CUL7: variants seen among roughly 807,000 people sequenced by gnomAD.
CUL7 encodes the protein cullin 7, also known as cullin-7.
Under a neutral mutation model 177.7 loss-of-function variants are expected in CUL7, and 96 were observed. The ratio of observed to expected loss-of-function variants is 0.54; its 90% CI spans 0.46 to 0.64. CUL7 has a LOEUF of 0.64. CUL7 is among the 30% of genes least tolerant of loss of function. The pLI is 0.00. For synonymous variants in CUL7, 824 were observed against 890.2 expected (o/e 0.93, Z 1.32); for missense variants, 1,893 against 2,187.9 (o/e 0.87, Z 2.69).
rs181823275 is a variant in CUL7, at chr6:43,037,962, C to T, written c.4823G>A (p.Ser1608Asn). 3.3e-5 allele frequency: 52 copies of T among 1,596,124 alleles called. No individual in the cohort carries two copies. In the Admixed American group the frequency reaches 6.8e-4, roughly 21 times the overall value. Residue 1608 changes from serine (S) to asparagine (N), a missense_variant, in exon 26 of 26, where the codon AGC (serine) becomes AAC (asparagine). By Grantham distance (46) the Ser-to-Asn change is conservative. Around this residue, in one of 5 missense-constraint regions of CUL7, gnomAD observed 248 missense variants for 262.5 expected, o/e 0.94. Coordinates refer to ENST00000265348, the MANE Select transcript of CUL7 (RefSeq NM_014780.5). Reference protein sequence around the residue: ...KGPCPPRGLVSSLGKGSACSS... With the variant: ...KGPCPPRGLVNSLGKGSACSS... The stretch of plus-strand genomic sequence containing the variant: ...GCATGCAGACCCCTTACCAAGGCTG[C>T]TGACCAAACCCCTGGGAGGACACGG...
At position 43,051,643 on chromosome 6, in the gene CUL7, G is replaced by A; in HGVS notation, c.701C>T (p.Pro234Leu). 1 of 1,614,114 alleles carries A rather than the reference G, an allele frequency of 6.2e-7. No homozygotes were observed. The highest frequency in any genetic ancestry group is 8.5e-7 in the Non-Finnish European group (1 of 1,180,028). ...TAGCTGAATGCCCTCGAAAGACATG[G>A]GGTGTTCAGAGAGCGTGGCCTGTGC... The part of the protein sequence containing the change: ...LFAQATLSEH[P>L]MSFEGIQLPQ... The change falls in exon 3 of 26, where the codon CCC becomes CTC. Residue 234 changes from proline (P) to leucine (L), a missense_variant. Transcript: ENST00000265348. The surrounding 1 kb of genome is among the most constrained non-coding windows in gnomAD (Gnocchi z 5.0).
chr6:43,041,715 A>AAAGGG (rs1475093376), intron 19 of CUL7, among the ~76,000 whole-genome samples: 1 of 151,314 alleles, frequency 6.6e-6, no homozygotes, highest in Non-Finnish European at 1.5e-5. Flanking sequence ...AAGGGAAGGG[A>AAAGGG]AAGGGAAGGG....
rs1216730565 is a variant in CUL7, at chr6:43,044,902, A to C, written c.3039-17T>G. 1 of 1,610,484 alleles carries C rather than the reference A, an allele frequency of 6.2e-7. No individual in the cohort carries two copies. The highest frequency in any genetic ancestry group is 8.5e-7 in the Non-Finnish European group (1 of 1,177,234). On this transcript the variant is annotated splice_polypyrimidine_tract_variant and intron_variant, in intron 15 of 25. Coordinates refer to ENST00000265348, the MANE Select transcript of CUL7 (RefSeq NM_014780.5). The stretch of plus-strand genomic sequence containing the variant: ...CCGTTGAGTCTGGGGGTGAGAATGG[A>C]GGAGGAAGGTGTCAGGGGCTTGAAG...
In CUL7 at chr6:43,046,570, C is replaced by T. The variant is rs1369530843; in HGVS notation, c.2429G>A (p.Arg810Gln). 1.4e-5 allele frequency: 22 copies of T among 1,613,950 alleles called. No individual in the cohort carries two copies. Among genetic ancestry groups the T allele is most frequent in the Admixed American group, 8.3e-5 (5 of 59,984 alleles). Reference protein sequence around the residue: ...MVLGQIEDHRRTHQPINIPFF... With the variant: ...MVLGQIEDHRQTHQPINIPFF... Reference sequence around the variant, plus strand: ...AGGGATGTTGATGGGTTGGTGGGTTCGTCTGTGGTCTTCGATCTGGCCCAG... The same window carrying T: ...AGGGATGTTGATGGGTTGGTGGGTTTGTCTGTGGTCTTCGATCTGGCCCAG... The change falls in exon 11 of 26, where the codon CGA becomes CAA. Residue 810 changes from arginine (R) to glutamine (Q), a missense_variant. By Grantham distance (43) the Arg-to-Gln change is conservative. This residue lies in a region of CUL7 where 973 missense variants were observed against 1,140.9 expected (regional missense o/e 0.85). Coordinates refer to ENST00000265348, the MANE Select transcript of CUL7 (RefSeq NM_014780.5).
Position 43,050,494 on chromosome 6 carries a change from A to C in CUL7, c.1234-96T>G. On this transcript the variant is annotated intron_variant, in intron 4 of 25. Transcript: ENST00000265348. This position sits in a 1 kb window ranked among gnomAD's most constrained non-coding sequence, Gnocchi z 4.1. ...GAGGACTATAGCCCTCAGGGTGACC[A>C]CCTGGCCAGGTTTTAGAAAAACCTC... 1 of 1,449,856 alleles carries C rather than the reference A, an allele frequency of 6.9e-7. No homozygotes were observed. The highest frequency in any genetic ancestry group is 1.4e-5 in the African/African-American group (1 of 71,442). 89.8% of individuals were successfully genotyped at this position (1,449,856 alleles called of 1,614,324 possible). A position where few individuals can be genotyped will look rare whatever the true frequency, so the allele number is the denominator to read the frequency against.
In CUL7 at chr6:43,045,738, TAG is replaced by T; in HGVS notation, c.2767-58_2767-57del. The T allele has an allele frequency of 1.3e-6, 2 of 1,567,202 alleles. No homozygotes were observed. Among genetic ancestry groups the T allele is most frequent in the Non-Finnish European group, 1.8e-6 (2 of 1,137,716 alleles). ...CACACATGCAGAGCCAAGTTGGCTC[TAG>T]GCTCCAGTCCCCTCACTGTTTCCCT... is the stretch of plus-strand genomic sequence containing the variant. On this transcript the variant is annotated intron_variant, in intron 13 of 25. Transcript: ENST00000265348. The surrounding 1 kb of genome is among the most constrained non-coding windows in gnomAD (Gnocchi z 4.8).
Position 43,053,767 on chromosome 6 carries a change from A to T in CUL7, c.-154T>A. On this transcript the variant is annotated 5_prime_UTR_variant, in exon 1 of 26. Transcript: ENST00000265348. This position sits in a 1 kb window ranked among gnomAD's most constrained non-coding sequence, Gnocchi z 4.1. ...ACGGGAGGGGGCGTGCCTCCGCGGA[A>T]CAGAGCTGCACCCGCGTGAGTCGGC... 6.6e-7 allele frequency: 1 copy of T among 1,524,786 alleles called. No homozygotes were observed. The highest frequency in any genetic ancestry group is 8.8e-7 in the Non-Finnish European group (1 of 1,141,438). The allele number at this position is 1,524,786 out of a possible 1,614,324, so 94.5% of individuals were successfully genotyped here.
rs1337736988 is a variant in CUL7 at position 43,038,638 on chromosome 6, T to C, written c.4495A>G (p.Asn1499Asp). The C allele has an allele frequency of 1.9e-6, 3 of 1,613,894 alleles. No individual in the cohort carries two copies. The highest frequency in any genetic ancestry group is 2.5e-6 in the Non-Finnish European group (3 of 1,179,954). The change falls in exon 24 of 26, where the codon AAT (asparagine) becomes GAT (aspartate). Residue 1499 changes from asparagine to aspartate, a missense_variant. By Grantham distance (23) the Asn-to-Asp change is conservative. Around this residue, in one of 5 missense-constraint regions of CUL7, gnomAD observed 248 missense variants for 262.5 expected, o/e 0.94. Transcript: ENST00000265348. ...GAGGTGAGGGGCCCAATCGCCTGAT[T>C]GAGCATGTCTGCGGAGAGCCCTGAG... ...AFSGLSADML[N>D]QAIGPLTSSR...
At position 43,044,937 on chromosome 6, in the gene CUL7, T is replaced by G. The variant is rs550503158; in HGVS notation, c.3039-52A>C. The G allele has an allele frequency of 8.1e-6, 13 of 1,600,248 alleles. No homozygotes were observed. The South Asian group carries it at 1.3e-4, about 16-fold the overall frequency. Reference sequence around the variant, plus strand: ...TGTCAGGGGCTTGAAGCATATGTTATCTCAGTGTCCACCCTTCCTAAGACT... The same window carrying G: ...TGTCAGGGGCTTGAAGCATATGTTAGCTCAGTGTCCACCCTTCCTAAGACT... On this transcript the variant is annotated intron_variant, in intron 15 of 25. Transcript: ENST00000265348.
Position 43,052,514 on chromosome 6 carries a change from G to C in CUL7, c.275C>G (p.Ser92Cys), listed in dbSNP as rs771034484. ...CCCAACCTCCCCTGCAGACTCCTGGGAGGGCCCGATGACCTGGCCATCCTC... is the reference window on the plus strand; with the variant it reads ...CCCAACCTCCCCTGCAGACTCCTGGCAGGGCCCGATGACCTGGCCATCCTC... ...LGEDGQVIGPSQESAGEVGAL... is the reference protein window; with the variant it reads ...LGEDGQVIGPCQESAGEVGAL... The change falls in exon 2 of 26, where the codon TCC (serine) becomes TGC (cysteine). Residue 92 changes from serine (S) to cysteine (C), a missense_variant. Around this residue, in one of 5 missense-constraint regions of CUL7, gnomAD observed 653 missense variants for 725.2 expected, o/e 0.90. Transcript: ENST00000265348. This position sits in a 1 kb window ranked among gnomAD's most constrained non-coding sequence, Gnocchi z 4.5. 1 of 1,614,202 alleles carries C rather than the reference G, an allele frequency of 6.2e-7. No individual in the cohort carries two copies. The highest frequency in any genetic ancestry group is 1.7e-5 in the Admixed American group (1 of 60,028).
At chr6:43,047,300 A>G (rs776906764) in intron 9 of CUL7, among the ~76,000 whole-genome samples, 193 bp from the exon 10 acceptor site, 1 of 152,086 alleles carries the variant, frequency 6.6e-6, no homozygotes, top group African/African-American at 2.4e-5. Context: ...ACCAAAGACA[A>G]ACCAAAATGG....
In CUL7 at chr6:43,048,327, C is replaced by T. The variant is rs1764097509; in HGVS notation, c.2063+5G>A. ...CAGAGATCCCACCTGTCACCATGCT[C>T]TCACCTCAGCACAGTCAGGTGCAGG... On this transcript the variant is annotated splice_donor_5th_base_variant and intron_variant, in intron 8 of 25. Transcript: ENST00000265348. 1.2e-6 allele frequency: 2 copies of T among 1,603,548 alleles called. No individual in the cohort carries two copies. Among genetic ancestry groups the T allele is most frequent in the Admixed American group, 1.7e-5 (1 of 60,022 alleles).
chr6:43,047,566 A>G (rs751003685), intron 9 of CUL7, among the ~76,000 whole-genome samples: 7 of 152,198 alleles, frequency 4.6e-5, no homozygotes, highest in African/African-American at 7.2e-5. Flanking sequence ...CCAAAAATAT[A>G]GCCACACTGC....
rs372698311 is a variant in CUL7 at position 43,040,295 on chromosome 6, T to G, written c.4155A>C (p.Ala1385=). ...GGACAAGCACAGACACTTCTGGCAT[T>G]GCCCCTTCATAGTAGAGGTCCTCAT... ...EENEDLYYEG[A]MPEVSVLVLS... Residue 1385 remains alanine (A), a synonymous_variant, in exon 22 of 26, where the codon GCA becomes GCC. Transcript: ENST00000265348. This position sits in a 1 kb window ranked among gnomAD's most constrained non-coding sequence, Gnocchi z 4.2. 33 of 1,614,012 alleles carry G rather than the reference T, an allele frequency of 2.0e-5. No individual in the cohort carries two copies. Among genetic ancestry groups the G allele is most frequent in the Non-Finnish European group, 2.7e-5 (32 of 1,180,032 alleles).
At chr6:43,041,118 A>G in intron 19 of CUL7, 43 bp from the exon 20 acceptor site, 1 of 1,605,156 alleles carries the variant, frequency 6.2e-7, no homozygotes, top group Admixed American at 1.7e-5. Flanking sequence ...ATGAGCGAGC[A>G]GAGCAGGTGA....
rs138276478 is a variant in CUL7 at position 43,044,828 on chromosome 6, G to A, written c.3096C>T (p.Asp1032=). The change falls in exon 16 of 26, where the codon GAC becomes GAT. Residue 1032 remains aspartate, a synonymous_variant. Coordinates refer to ENST00000265348, the MANE Select transcript of CUL7 (RefSeq NM_014780.5). The part of the protein sequence containing the change: ...QNFADRFLPD[D]EAAQALGKTC... ...TCTTGCCCAGAGCTTGGGCAGCCTCGTCATCAGGGAGGAAGCGGTCAGCAA... is the reference window on the plus strand; with the variant it reads ...TCTTGCCCAGAGCTTGGGCAGCCTCATCATCAGGGAGGAAGCGGTCAGCAA... 2.1e-3 allele frequency: 3,447 copies of A among 1,613,988 alleles called. 67 individuals are homozygous for A. In the African/African-American group the frequency reaches 0.039, roughly 18 times the overall value.
intron 7 of CUL7, among the ~76,000 whole-genome samples, chr6:43,049,041 G>C (rs1172324219): frequency 6.6e-6 from 1 of 152,024 alleles, no homozygotes; most frequent in Non-Finnish European, 1.5e-5. Context: ...CAAAGTGCTG[G>C]GATTACAGGC....
intron 16 of CUL7, among the ~76,000 whole-genome samples, chr6:43,044,434 G>GGTTGCAGTGAGCCAAGATCATGCC (rs1442528215): frequency 2.6e-5 from 4 of 152,140 alleles, no homozygotes; most frequent in Non-Finnish European, 5.9e-5. Context: ...GGGAGGCAGA[G>GGTTGCAGTGAGCCAAGATCATGCC]GTTGCAGTGA....
rs1475292228 is a variant in CUL7, at chr6:43,052,884, G to C, written c.-8-88C>G. 1 of 1,379,812 alleles carries C rather than the reference G, an allele frequency of 7.2e-7. No individual in the cohort carries two copies. Among genetic ancestry groups the C allele is most frequent in the African/African-American group, 1.4e-5 (1 of 70,014 alleles). The allele number at this position is 1,379,812 out of a possible 1,614,324, so 85.5% of individuals were successfully genotyped here. ...ATATCCAGGAGGTGGGGAAGCAAAT[G>C]GCAACAGCTGTCAGGCGGGGTGGGG... On this transcript the variant is annotated intron_variant, in intron 1 of 25. Coordinates refer to ENST00000265348, the MANE Select transcript of CUL7 (RefSeq NM_014780.5). The surrounding 1 kb of genome is among the most constrained non-coding windows in gnomAD (Gnocchi z 4.5).
Sources: gnomAD v4.1 joint callset for allele counts (sites outside exome capture counted in the v4.1 genomes callset) on GRCh38, gnomAD v4.1.1 for gene constraint, gnomAD v4.1.1 regional missense constraint, Gnocchi (gnomAD v3.1) non-coding constraint, MANE v1.5 for transcripts, NCBI Gene and HGNC (gene_info 2026-07-23, HGNC 2026-07-21) for gene names.